DYTN: variants seen among roughly 807,000 people sequenced by gnomAD.
DYTN encodes the protein dystrotelin.
In DYTN, 75 loss-of-function variants were observed where a neutral mutation model predicts 69.6. The ratio of observed to expected loss-of-function variants is 1.08; its 90% confidence interval spans 0.89 to 1.31. The LOEUF is 1.31. Among genes scored for constraint, DYTN ranks in the 50% most tolerant of loss-of-function variants. The pLI is 0.00. For missense variants in DYTN, 726 were observed against 688.4 expected (o/e 1.05, Z -0.61); for synonymous variants, 252 against 249.1 (o/e 1.01, Z -0.11).
chr2:206,653,493 A>T (rs962235303), intron 11 of DYTN, among the ~76,000 whole-genome samples: 2 of 152,230 alleles, frequency 1.3e-5, no homozygotes, highest in East Asian at 3.8e-4. Context: ...ATGACAAAAT[A>T]ATTCACTTAA....
At chr2:206,666,087 G>A (rs1366980705) in intron 9 of DYTN, 58 bp from the exon 10 acceptor site, 1 of 1,579,734 alleles carries the variant, frequency 6.3e-7, no homozygotes, top group Non-Finnish European at 8.6e-7. Context: ...ACACTAATTA[G>A]AGCCCTGGTA....
intron 5 of DYTN, among the ~76,000 whole-genome samples, chr2:206,702,944 T>C (rs974545654): frequency 2.0e-5 from 3 of 152,128 alleles, no homozygotes; most frequent in African/African-American, 7.2e-5. Flanking sequence ...ACGATAATTA[T>C]GATGTTTAGG....
intron 8 of DYTN, 75 bp downstream of exon 8, chr2:206,694,691 G>T: frequency 8.2e-7 from 1 of 1,214,554 alleles, no homozygotes; most frequent in Non-Finnish European, 1.1e-6. Flanking sequence ...TTTCACTGGA[G>T]GGAAGGTTTT....
intron 5 of DYTN, among the ~76,000 whole-genome samples, chr2:206,700,463 A>G (rs768487644): frequency 2.0e-5 from 3 of 152,202 alleles, no homozygotes; most frequent in Non-Finnish European, 2.9e-5. Context: ...AAGTCTGCCA[A>G]TGAGGTGATA....
intron 11 of DYTN, among the ~76,000 whole-genome samples, chr2:206,660,891 T>G (rs777770941): frequency 2.0e-5 from 3 of 152,178 alleles, no homozygotes; most frequent in Admixed American, 1.3e-4. Flanking sequence ...CCAACACTTA[T>G]GGGCTGAAAT....
intron 11 of DYTN, among the ~76,000 whole-genome samples, chr2:206,657,685 T>C (rs536644421): frequency 3.9e-5 from 6 of 152,352 alleles, no homozygotes; most frequent in African/African-American, 1.2e-4. Context: ...ACTTTGAATA[T>C]ATTATCCCAT....
chr2:206,691,573 G>A (rs576855727), intron 9 of DYTN, among the ~76,000 whole-genome samples: 1 of 152,060 alleles, frequency 6.6e-6, no homozygotes, highest in East Asian at 1.9e-4. Context: ...AAGATAAACT[G>A]GAAACTGATA....
rs1373446602 is a variant in DYTN at position 206,662,897 on chromosome 2, C to G, written c.1633+6G>C. 3 of 1,608,620 alleles carry G rather than the reference C, an allele frequency of 1.9e-6. No homozygotes were observed. The African/African-American group carries it at 4.0e-5, about 22-fold the overall frequency. On this transcript the variant is annotated splice_donor_region_variant and intron_variant, in intron 11 of 11. Coordinates refer to ENST00000452335, the MANE Select transcript of DYTN (RefSeq NM_001093730.1). Reference sequence around the variant, plus strand: ...TCACGATGTCTATGGATTGTGAAAACCTTACCTGATGGCGTTTCTAGATTG... The same window carrying G: ...TCACGATGTCTATGGATTGTGAAAAGCTTACCTGATGGCGTTTCTAGATTG...
rs1434918030 is a variant in DYTN, at chr2:206,651,884, T to C, written c.1671A>G (p.Gly557=). The C allele has an allele frequency of 1.2e-6, 2 of 1,613,434 alleles. No homozygotes were observed. Among genetic ancestry groups the C allele is most frequent in the Non-Finnish European group, 1.7e-6 (2 of 1,179,612 alleles). Residue 557 remains glycine (G), a synonymous_variant, in exon 12 of 12, where the codon GGA becomes GGG. Transcript: ENST00000452335. ...ESSVNMDLYS[G]AQRVCRAFSA... ...AGAAGGCCCTGCACACTCGCTGAGC[T>C]CCACTGTACAGGTCCATGTTTACTG...
chr2:206,666,607 G>A (rs1192466664), intron 9 of DYTN, among the ~76,000 whole-genome samples: 2 of 152,064 alleles, frequency 1.3e-5, no homozygotes, highest in Non-Finnish European at 2.9e-5. Context: ...CCCAACACTT[G>A]ACCAGGAACA....
At chr2:206,696,589 C>A (rs983619663) in intron 7 of DYTN, among the ~76,000 whole-genome samples, 1 of 152,166 alleles carries the variant, frequency 6.6e-6, no homozygotes, top group Non-Finnish European at 1.5e-5. Context: ...CATACGATTA[C>A]CCTCATTTTG....
chr2:206,664,556 G>A (rs567357921), intron 10 of DYTN, among the ~76,000 whole-genome samples: 9 of 152,128 alleles, frequency 5.9e-5, no homozygotes, highest in Non-Finnish European at 1.3e-4. Context: ...AGCTAGCCAC[G>A]AGGTTGAGGC....
chr2:206,712,776 G>A (rs566188556), intron 1 of DYTN, among the ~76,000 whole-genome samples: 1 of 152,190 alleles, frequency 6.6e-6, no homozygotes, highest in Non-Finnish European at 1.5e-5. Context: ...CTTCCATGGG[G>A]GCATGTGGCC....
At chr2:206,691,642 A>T (rs1699864028) in intron 9 of DYTN, among the ~76,000 whole-genome samples, 1 of 152,214 alleles carries the variant, frequency 6.6e-6, no homozygotes, top group Non-Finnish European at 1.5e-5. Context: ...ATACATCAAG[A>T]TGATATCCAA....
At chr2:206,699,546 G>T (rs1372073615) in intron 7 of DYTN, among the ~76,000 whole-genome samples, 181 bp downstream of exon 7, 1 of 152,190 alleles carries the variant, frequency 6.6e-6, no homozygotes, top group Admixed American at 6.5e-5. Flanking sequence ...ATCCATTATA[G>T]AAGATAAAAG....
At chr2:206,659,685 T>C (rs1293979074) in intron 11 of DYTN, among the ~76,000 whole-genome samples, 1 of 152,154 alleles carries the variant, frequency 6.6e-6, no homozygotes, top group African/African-American at 2.4e-5. Flanking sequence ...TAAGTATGCA[T>C]AGATTATGTT....
intron 9 of DYTN, among the ~76,000 whole-genome samples, chr2:206,689,542 C>A (rs749802767): frequency 6.6e-5 from 10 of 152,160 alleles, no homozygotes; most frequent in Non-Finnish European, 1.3e-4. Context: ...AACTCATTGA[C>A]GTTTAGAGAA....
chr2:206,668,917 C>T (rs1699603056), intron 9 of DYTN, among the ~76,000 whole-genome samples: 1 of 152,170 alleles, frequency 6.6e-6, no homozygotes. Flanking sequence ...TCCTGCCACC[C>T]TGTGAAGAAG....
intron 3 of DYTN, among the ~76,000 whole-genome samples, 159 bp downstream of exon 3, chr2:206,707,143 C>A (rs913656242): frequency 6.6e-6 from 1 of 152,134 alleles, no homozygotes; most frequent in Non-Finnish European, 1.5e-5. Context: ...GGCATTTACT[C>A]CTTTGTTCTA....
Sources: allele counts gnomAD v4.1 joint callset (sites outside exome capture counted in the v4.1 genomes callset), GRCh38; gene constraint gnomAD v4.1.1; transcripts MANE v1.5; gene names NCBI Gene and HGNC (gene_info 2026-07-23, HGNC 2026-07-21).